The following CLASP2 variants were observed in gnomAD, a reference collection of about 807,000 sequenced individuals.
The protein encoded by CLASP2 is cytoplasmic linker associated protein 2.
CLASP2 carries 47 observed loss-of-function variants against 194.4 expected under a neutral mutation model. The ratio of observed to expected loss-of-function variants is 0.24; its 90% CI spans 0.19 to 0.31. The LOEUF (loss-of-function observed/expected upper bound fraction) is 0.31, where lower values mean the gene tolerates loss of function less well. CLASP2 is among the 10% of genes least tolerant of loss of function. The pLI is 1.00. For synonymous variants in CLASP2, 619 were observed against 633.5 expected (o/e 0.98, Z 0.34); for missense variants, 1,445 against 1,823.6 (o/e 0.79, Z 3.78).
intron 18 of CLASP2, among the ~76,000 whole-genome samples, chr3:33,598,880 TACC>T (rs1448052503): frequency 3.3e-5 from 5 of 152,318 alleles, no homozygotes; most frequent in African/African-American, 1.2e-4. Context: ...TCCTGTTTCC[TACC>T]ACCAAGTTTC....
chr3:33,699,763 G>A (rs919445735), intron 1 of CLASP2, among the ~76,000 whole-genome samples: 3 of 151,346 alleles, frequency 2.0e-5, no homozygotes, highest in South Asian at 2.1e-4. Context: ...CAAAAGTTAC[G>A]TGTGTCTTGT....
At chr3:33,682,560 T>C (rs1462116581) in intron 6 of CLASP2, among the ~76,000 whole-genome samples, 1 of 152,084 alleles carries the variant, frequency 6.6e-6, no homozygotes, top group African/African-American at 2.4e-5. Context: ...CCTCAAAATT[T>C]CATTATGAAG....
chr3:33,672,217 C>G (rs2087421592), intron 6 of CLASP2, among the ~76,000 whole-genome samples: 1 of 152,218 alleles, frequency 6.6e-6, no homozygotes, highest in African/African-American at 2.4e-5. Context: ...ACTGACACCT[C>G]ACATGGCCGG....
intron 7 of CLASP2, among the ~76,000 whole-genome samples, chr3:33,651,448 G>A (rs562765001): frequency 6.7e-6 from 1 of 149,104 alleles, no homozygotes; most frequent in South Asian, 2.1e-4. Flanking sequence ...GCTGCCCCAA[G>A]CCCAGCAGAA....
In CLASP2 at chr3:33,696,879, G is replaced by A. The variant is rs377207248; in HGVS notation, c.250C>T (p.Arg84Cys). 9.2e-5 allele frequency: 147 copies of A among 1,594,192 alleles called. 1 individual carries two copies. The South Asian group carries it at 1.2e-3, about 13-fold the overall frequency. ...CCCATTGCTACATAGGATTTAAAGC[G>A]TGTTGATAATCTGTCCACAAAGGCA... ...LSAFVDRLST[R>C]FKSYVAMVIV... Residue 84 changes from arginine to cysteine, a missense_variant, in exon 2 of 39, where the codon CGC becomes TGC. Arg to Cys is a radical substitution (Grantham distance 180). Transcript: ENST00000682230.
chr3:33,602,905 G>A (rs746802742), intron 18 of CLASP2, 47 bp downstream of exon 18: 1 of 1,533,016 alleles, frequency 6.5e-7, no homozygotes, highest in South Asian at 1.2e-5. Flanking sequence ...TCTTCACAGA[G>A]ATCAGGGAGA....
intron 34 of CLASP2, among the ~76,000 whole-genome samples, chr3:33,521,728 G>A (rs2053150526): frequency 6.6e-6 from 1 of 152,192 alleles, no homozygotes; most frequent in Non-Finnish European, 1.5e-5. Flanking sequence ...TCAGGACTCT[G>A]TCTCCTCAAC....
intron 27 of CLASP2, among the ~76,000 whole-genome samples, chr3:33,566,061 T>C (rs901075966): frequency 2.6e-5 from 4 of 152,142 alleles, no homozygotes; most frequent in Non-Finnish European, 4.4e-5. Context: ...ATTATCCATA[T>C]CCAAAATTTA....
intron 18 of CLASP2, chr3:33,602,416 G>A: frequency 1.5e-6 from 1 of 671,698 alleles, no homozygotes; most frequent in Admixed American, 2.2e-5. Flanking sequence ...CTACCCAAAA[G>A]AAAAAAATGG....
intron 8 of CLASP2, among the ~76,000 whole-genome samples, chr3:33,635,098 C>CAA (rs112019765): frequency 7.0e-6 from 1 of 142,392 alleles, no homozygotes. Flanking sequence ...CTAAAAATAC[C>CAA]AAAAAAAAAA....
At chr3:33,553,849 G>A (rs2060453821) in intron 29 of CLASP2, among the ~76,000 whole-genome samples, 1 of 152,038 alleles carries the variant, frequency 6.6e-6, no homozygotes, top group African/African-American at 2.4e-5. Context: ...TCCACTAGTG[G>A]GTATATACCC....
At chr3:33,686,270 A>T (rs995927307) in intron 5 of CLASP2, among the ~76,000 whole-genome samples, 2 of 152,162 alleles carry the variant, frequency 1.3e-5, no homozygotes, top group Non-Finnish European at 2.9e-5. Context: ...ACATCCCTGT[A>T]TTATACCTAT....
At chr3:33,517,484 C>T (rs1433091796) in intron 34 of CLASP2, among the ~76,000 whole-genome samples, 1 of 152,132 alleles carries the variant, frequency 6.6e-6, no homozygotes, top group African/African-American at 2.4e-5. Flanking sequence ...CCCCTCTTCC[C>T]TTTTATCTGA....
At chr3:33,587,883 G>T (rs2067776313) in intron 21 of CLASP2, among the ~76,000 whole-genome samples, 1 of 152,104 alleles carries the variant, frequency 6.6e-6, no homozygotes, top group Non-Finnish European at 1.5e-5. Flanking sequence ...TATAAATAAT[G>T]AACTGAGCAC....
At chr3:33,538,349 A>G (rs910656352) in intron 33 of CLASP2, among the ~76,000 whole-genome samples, 1 of 152,206 alleles carries the variant, frequency 6.6e-6, no homozygotes, top group Admixed American at 6.5e-5. Flanking sequence ...CTACCTTTGG[A>G]GTGAGGCCTT....
chr3:33,589,364 A>G (rs1173285736), intron 21 of CLASP2, among the ~76,000 whole-genome samples: 5 of 152,092 alleles, frequency 3.3e-5, no homozygotes. Context: ...TTGATCTGAG[A>G]GACTTTTTTT....
chr3:33,576,406 T>C (rs2064901313), intron 23 of CLASP2, 131 bp from the exon 24 acceptor site: 1 of 601,312 alleles, frequency 1.7e-6, no homozygotes, highest in African/African-American at 1.9e-5. Flanking sequence ...AAAGCAATAT[T>C]GTATTTTCTG....
intron 1 of CLASP2, among the ~76,000 whole-genome samples, chr3:33,697,531 T>G (rs1420458757): frequency 1.3e-5 from 2 of 152,258 alleles, no homozygotes; most frequent in African/African-American, 2.4e-5. Context: ...TATAATCTTA[T>G]GGGACCACCA....
At chr3:33,666,991 T>C (rs1430650573) in intron 6 of CLASP2, among the ~76,000 whole-genome samples, 2 of 152,228 alleles carry the variant, frequency 1.3e-5, no homozygotes, top group African/African-American at 4.8e-5. Context: ...CTATGTGCTA[T>C]TGCCATCTGT....
Sources: allele counts gnomAD v4.1 joint callset (sites outside exome capture counted in the v4.1 genomes callset), GRCh38; gene constraint gnomAD v4.1.1; transcripts MANE v1.5; gene names NCBI Gene and HGNC (gene_info 2026-07-23, HGNC 2026-07-21).